The following C12orf42 variants were observed in gnomAD, a reference collection of about 807,000 sequenced individuals.
C12orf42 encodes chromosome 12 open reading frame 42, also known as uncharacterized protein C12orf42.
C12orf42 carries 25 observed loss-of-function variants against 21.6 expected under a neutral mutation model. That is an observed-to-expected ratio of 1.16 (90% CI 0.84 to 1.62). The LOEUF is 1.62. Among genes scored for constraint, C12orf42 ranks in the 40% most tolerant of loss-of-function variants. The pLI is 0.00. For missense variants in C12orf42, 483 were observed against 459.3 expected (o/e 1.05, Z -0.47); for synonymous variants, 174 against 175.0 (o/e 0.99, Z 0.05).
At chr12:103,143,489 G>C in the C12orf42 span, among the ~76,000 whole-genome samples, 1 of 152,226 alleles carries the variant, frequency 6.6e-6, no homozygotes, top group African/African-American at 2.4e-5. Context: ...ACCCAGGACT[G>C]TAGAAACTCA....
At chr12:103,185,471 CCCTT>C in the C12orf42 span, among the ~76,000 whole-genome samples, 75 of 151,632 alleles carry the variant, frequency 4.9e-4, no homozygotes, top group East Asian at 7.8e-4. Flanking sequence ...CCTTCTTTTT[CCCTT>C]CCTTCCTTCC....
downstream of C12orf42, chr12:103,267,532 A>G (rs1371130237): frequency 1.3e-5 from 2 of 152,198 alleles, no homozygotes; most frequent in Admixed American, 1.3e-4. Context: ...GACAAATAGT[A>G]TCACAATTGA....
rs567011906 is a variant in C12orf42 at position 103,483,842 on chromosome 12, C to T, written c.-21-5395G>A. Among the ~76,000 whole-genome samples the T allele has an allele frequency of 9.2e-5, 14 of 152,100 alleles. No homozygotes were observed. In the East Asian group the frequency reaches 1.7e-3, roughly 19 times the overall value. The stretch of plus-strand genomic sequence containing the variant: ...CCACCACATGACAGGCCCTGGTGTG[C>T]GATGTTGCCCATCCTGTGTCCAAGT... On this transcript the variant is annotated intron_variant, in intron 1 of 5. Coordinates refer to ENST00000548883, the MANE Select transcript of C12orf42 (RefSeq NM_198521.5).
At chr12:103,255,956 G>A (rs905254352) in intron 10 of C12orf42, among the ~76,000 whole-genome samples, 1 of 147,744 alleles carries the variant, frequency 6.8e-6, no homozygotes, top group Non-Finnish European at 1.5e-5. Context: ...GGGAGGCTGA[G>A]GCAGGAGAAT....
At chr12:103,376,763 G>A (rs1468221948) in intron 3 of C12orf42, among the ~76,000 whole-genome samples, 1 of 151,992 alleles carries the variant, frequency 6.6e-6, no homozygotes, top group Non-Finnish European at 1.5e-5. Context: ...GTCTTAGTGT[G>A]GGTTTTCTTT....
the C12orf42 span, among the ~76,000 whole-genome samples, chr12:103,186,813 T>C: frequency 6.6e-6 from 1 of 152,140 alleles, no homozygotes; most frequent in Non-Finnish European, 1.5e-5. Flanking sequence ...TATTATAAGA[T>C]GTAGGAAAGA....
At chr12:103,491,543 T>C (rs754906567) in intron 1 of C12orf42, among the ~76,000 whole-genome samples, 9 of 152,234 alleles carry the variant, frequency 5.9e-5, no homozygotes, top group Non-Finnish European at 8.8e-5. Context: ...GTTCCACCTC[T>C]ACACTCTATT....
intron 4 of C12orf42, among the ~76,000 whole-genome samples, chr12:103,327,506 C>G (rs1441221848): frequency 6.6e-6 from 1 of 152,100 alleles, no homozygotes; most frequent in African/African-American, 2.4e-5. Flanking sequence ...GATATTCAGT[C>G]TGGAGAAAGT....
At chr12:103,116,661 G>A in the C12orf42 span, among the ~76,000 whole-genome samples, 1 of 152,166 alleles carries the variant, frequency 6.6e-6, no homozygotes, top group Non-Finnish European at 1.5e-5. Flanking sequence ...TGGAGGCACT[G>A]TGCAACATGC....
the C12orf42 span, among the ~76,000 whole-genome samples, chr12:103,222,926 T>C: frequency 0.26 from 39,160 of 150,966 alleles, 6,077 homozygotes; most frequent in Non-Finnish European, 0.35. Flanking sequence ...GTTATTTCTC[T>C]CATCTTTTCC....
At chr12:103,435,251 A>G (rs894711556) in intron 2 of C12orf42, among the ~76,000 whole-genome samples, 8 of 152,196 alleles carry the variant, frequency 5.3e-5, no homozygotes, top group Non-Finnish European at 1.0e-4. Flanking sequence ...ACCCATCTGT[A>G]CATCACCATC....
chr12:103,302,014 G>A lies in C12orf42; in HGVS notation c.*94C>T, dbSNP rs1035519419. 94 of 1,340,976 alleles carry A rather than the reference G, an allele frequency of 7.0e-5. No individual in the cohort carries two copies. Among genetic ancestry groups the A allele is most frequent in the Non-Finnish European group, 9.6e-5 (94 of 974,278 alleles). 83.1% of individuals were successfully genotyped at this position (1,340,976 alleles called of 1,614,324 possible). On this transcript the variant is annotated 3_prime_UTR_variant, in exon 6 of 6. Coordinates refer to ENST00000548883, the MANE Select transcript of C12orf42 (RefSeq NM_198521.5). ...TTCACAAAAGCCTAACAATGGTTCT[G>A]TGGAAACCAGTACATCTGAGGCCCT...
intron 4 of C12orf42, among the ~76,000 whole-genome samples, chr12:103,312,268 A>G (rs1241396109): frequency 6.6e-6 from 1 of 152,154 alleles, no homozygotes; most frequent in Non-Finnish European, 1.5e-5. Flanking sequence ...TACACAATCA[A>G]TGCCAGTAGT....
intron 6 of C12orf42, among the ~76,000 whole-genome samples, chr12:103,269,304 C>T (rs147253768): frequency 6.6e-6 from 1 of 152,182 alleles, no homozygotes; most frequent in African/African-American, 2.4e-5. Context: ...TGACATAAAG[C>T]AGAGGTGAAA....
intron 4 of C12orf42, among the ~76,000 whole-genome samples, chr12:103,282,237 A>T (rs2036185202): frequency 6.6e-6 from 1 of 152,240 alleles, no homozygotes; most frequent in Non-Finnish European, 1.5e-5. Context: ...TCTAAATAAT[A>T]GAACAAATAC....
chr12:103,456,627 T>C (rs1263732141), intron 2 of C12orf42, among the ~76,000 whole-genome samples: 1 of 152,146 alleles, frequency 6.6e-6, no homozygotes, highest in Non-Finnish European at 1.5e-5. Context: ...ATTAGCAAAA[T>C]ATAAAGTAAA....
At chr12:103,119,331 A>C in the C12orf42 span, among the ~76,000 whole-genome samples, 1 of 152,250 alleles carries the variant, frequency 6.6e-6, no homozygotes, top group Non-Finnish European at 1.5e-5. Context: ...AAGGAGGAGC[A>C]GAAGGCCTAG....
At chr12:103,096,882 T>G in the C12orf42 span, among the ~76,000 whole-genome samples, 3 of 152,124 alleles carry the variant, frequency 2.0e-5, no homozygotes, top group African/African-American at 7.2e-5. Flanking sequence ...ACAACTAGTG[T>G]CTTGCCACTT....
At chr12:103,299,881 C>T (rs1157539415), downstream of C12orf42, among the ~76,000 whole-genome samples, 1 of 152,200 alleles carries the variant, frequency 6.6e-6, no homozygotes, top group Non-Finnish European at 1.5e-5. Context: ...TGCTTCTCAT[C>T]CATCACTAAA....
Sources: allele counts gnomAD v4.1 joint callset (sites outside exome capture counted in the v4.1 genomes callset), GRCh38; gene constraint gnomAD v4.1.1; transcripts MANE v1.5; gene names NCBI Gene and HGNC (gene_info 2026-07-23, HGNC 2026-07-21).